The following ITGAL variants were observed in gnomAD, a reference collection of about 807,000 sequenced individuals.
ITGAL encodes integrin alpha-L.
ITGAL carries 68 observed loss-of-function variants against 138.4 expected under a neutral mutation model. The ratio of observed to expected loss-of-function variants is 0.49; its 90% CI spans 0.40 to 0.60. The LOEUF (loss-of-function observed/expected upper bound fraction) is 0.60, where lower values mean the gene tolerates loss of function less well. Ranked by LOEUF, ITGAL falls within the 20% of genes least tolerant of loss-of-function variation. ITGAL has a pLI of 0.00. For synonymous variants in ITGAL, 561 were observed against 584.3 expected, an observed-to-expected ratio of 0.96 and a Z score of 0.57; for missense variants, 1,256 against 1,478.6, an observed-to-expected ratio of 0.85 and a Z score of 2.47.
chr16:30,517,385 G>C (rs2051182520), intron 26 of ITGAL, among the ~76,000 whole-genome samples: 1 of 152,088 alleles, frequency 6.6e-6, no homozygotes, highest in South Asian at 2.1e-4. Flanking sequence ...TTGAACCTAG[G>C]AGTTTGAGGC....
intron 29 of ITGAL, among the ~76,000 whole-genome samples, chr16:30,518,934 T>G (rs1309635019): frequency 6.6e-6 from 1 of 152,068 alleles, no homozygotes; most frequent in Non-Finnish European, 1.5e-5. Context: ...CGAGTAAAGT[T>G]CAATCGAGGC....
chr16:30,500,485 C>A (rs1027506540), intron 17 of ITGAL, among the ~76,000 whole-genome samples: 1 of 152,066 alleles, frequency 6.6e-6, no homozygotes, highest in Admixed American at 6.6e-5. Flanking sequence ...TCCTGAGTAG[C>A]AGGGACTACA....
At chr16:30,484,379 C>T in intron 9 of ITGAL, 116 bp downstream of exon 9, 3 of 943,036 alleles carry the variant, frequency 3.2e-6, no homozygotes, top group Non-Finnish European at 3.1e-6. Context: ...GAGGCCGAGG[C>T]AGGTGGATCA....
rs1367265100 is a variant in ITGAL at position 30,479,141 on chromosome 16, T to C, written c.378T>C (p.Ser126=). 6.2e-7 allele frequency: 1 copy of C among 1,614,116 alleles called. No individual in the cohort carries two copies. The highest frequency in any genetic ancestry group is 2.2e-5 in the East Asian group (1 of 44,886). The part of the protein sequence containing the change: ...SRTCDQNTYL[S]GLCYLFRQNL... The stretch of plus-strand genomic sequence containing the variant: ...CGTGTGACCAGAACACCTATCTGAG[T>C]GGCCTGTGTTACCTCTTCCGCCAGA... The change falls in exon 5 of 31, where the codon AGT becomes AGC. Residue 126 remains serine (S), a synonymous_variant. Transcript: ENST00000356798.
At chr16:30,508,606 A>G (rs1436591238) in intron 21 of ITGAL, among the ~76,000 whole-genome samples, 2 of 152,022 alleles carry the variant, frequency 1.3e-5, no homozygotes, top group Non-Finnish European at 2.9e-5. Context: ...GAGGTGGAGA[A>G]GTGCTTAAGC....
chr16:30,502,891 G>A (rs1254838924), intron 17 of ITGAL, among the ~76,000 whole-genome samples: 6 of 151,024 alleles, frequency 4.0e-5, no homozygotes, highest in Non-Finnish European at 8.8e-5. Context: ...TGGGCCCACT[G>A]CAGCCTCTGC....
intron 11 of ITGAL, among the ~76,000 whole-genome samples, chr16:30,492,255 CT>C (rs34570222): frequency 0.69 from 90,433 of 130,542 alleles, 30,525 homozygotes; most frequent in East Asian, 0.97. Context: ...TCTTTTTTTT[CT>C]TTTTTTTTTT....
Position 30,474,317 on chromosome 16 carries a change from G to A in ITGAL, c.164+19G>A, listed in dbSNP as rs1288034295. 2 of 1,559,666 alleles carry A rather than the reference G, an allele frequency of 1.3e-6. No homozygotes were observed. Among genetic ancestry groups the A allele is most frequent in the Non-Finnish European group, 1.8e-6 (2 of 1,142,056 alleles). ...GAAACGGGTGAGCTGTGCCCCACAAGTCCTCCTCCTGATGCCCGCCCTGGG... is the reference window on the plus strand; with the variant it reads ...GAAACGGGTGAGCTGTGCCCCACAAATCCTCCTCCTGATGCCCGCCCTGGG... On this transcript the variant is annotated intron_variant, in intron 2 of 30. Coordinates refer to ENST00000356798, the MANE Select transcript of ITGAL (RefSeq NM_002209.3).
chr16:30,500,681 C>T (rs1241829793), intron 17 of ITGAL, among the ~76,000 whole-genome samples: 2 of 152,040 alleles, frequency 1.3e-5, no homozygotes, highest in African/African-American at 2.4e-5. Flanking sequence ...TCCCGAGTAG[C>T]TAGGACTACA....
intron 21 of ITGAL, 96 bp from the exon 22 acceptor site, chr16:30,510,265 A>G: frequency 2.7e-6 from 2 of 737,966 alleles, no homozygotes. Flanking sequence ...TGACAGGGAC[A>G]GAGCCCCTGG....
At position 30,494,948 on chromosome 16, in the gene ITGAL, G is replaced by A. The variant is rs1443268065; in HGVS notation, c.1503+98G>A. 4 of 1,382,602 alleles carry A rather than the reference G, an allele frequency of 2.9e-6. No individual in the cohort carries two copies. Among genetic ancestry groups the A allele is most frequent in the African/African-American group, 2.9e-5 (2 of 69,156 alleles). 85.6% of individuals were successfully genotyped at this position (1,382,602 alleles called of 1,614,324 possible). ...GGCTTTCTCTGTCTGGTCACGTGGC[G>A]ATCAAACTTTTAGAACGACAGAGAG... On this transcript the variant is annotated intron_variant, in intron 13 of 30. Transcript: ENST00000356798. This position sits in a 1 kb window ranked among gnomAD's most constrained non-coding sequence, Gnocchi z 4.2.
At chr16:30,486,688 G>A (rs749570965) in intron 9 of ITGAL, among the ~76,000 whole-genome samples, 5 of 152,100 alleles carry the variant, frequency 3.3e-5, no homozygotes, top group African/African-American at 7.2e-5. Context: ...TGACCGAAGC[G>A]CAGTGAGGAA....
intron 25 of ITGAL, among the ~76,000 whole-genome samples, chr16:30,514,984 C>T (rs574523281): frequency 7.5e-4 from 114 of 151,916 alleles, no homozygotes; most frequent in African/African-American, 2.6e-3. Context: ...ACCACCACGC[C>T]AGGCTAATGT....
rs1264970295 is a variant in ITGAL, at chr16:30,511,990, G to A, written c.2786+854G>A. ...GGGGTTAAGATCAAGAGGTAACTTA[G>A]CACAGACATCTGGGCACCAGAGAGG... On this transcript the variant is annotated intron_variant, in intron 24 of 30. Transcript: ENST00000356798. Among the ~76,000 whole-genome samples, 5 of 152,208 alleles carry A rather than the reference G, an allele frequency of 3.3e-5. 1 individual carries two copies. In the South Asian group the frequency reaches 1.0e-3, roughly 31 times the overall value.
At chr16:30,500,787 C>T (rs984132698) in intron 17 of ITGAL, among the ~76,000 whole-genome samples, 6 of 152,048 alleles carry the variant, frequency 3.9e-5, no homozygotes, top group African/African-American at 1.4e-4. Context: ...GGTGGATCAC[C>T]TGAGGTCAGG....
At chr16:30,482,977 C>T (rs2050581652) in intron 7 of ITGAL, among the ~76,000 whole-genome samples, 1 of 152,158 alleles carries the variant, frequency 6.6e-6, no homozygotes, top group Non-Finnish European at 1.5e-5. Flanking sequence ...CAATCACACA[C>T]CACCATGCCT....
chr16:30,497,899 A>C (rs950257769), intron 15 of ITGAL, among the ~76,000 whole-genome samples: 2 of 151,180 alleles, frequency 1.3e-5, no homozygotes, highest in Non-Finnish European at 2.9e-5. Flanking sequence ...GTGAGCTGTG[A>C]TCATGCCACT....
Position 30,492,498 on chromosome 16 carries a change from C to T in ITGAL, c.1214-1714C>T, listed in dbSNP as rs537867947. On this transcript the variant is annotated intron_variant, in intron 11 of 30. Coordinates refer to ENST00000356798, the MANE Select transcript of ITGAL (RefSeq NM_002209.3). ...AACTCCTGACCTCAGGTGATCCACC[C>T]GCCTTGGGCTCCCAGAGTGCTGGGA... Among the ~76,000 whole-genome samples, 14 of 150,984 alleles carry T rather than the reference C, an allele frequency of 9.3e-5. No homozygotes were observed. The East Asian group carries it at 2.4e-3, about 25-fold the overall frequency.
At position 30,506,836 on chromosome 16, in the gene ITGAL, C is replaced by T. The variant is rs755499977; in HGVS notation, c.2488C>T (p.Arg830Cys). The T allele has an allele frequency of 5.6e-6, 9 of 1,613,802 alleles. No homozygotes were observed. The highest frequency in any genetic ancestry group is 6.8e-6 in the Non-Finnish European group (8 of 1,179,890). ...DLHFPPGLSF[R>C]KVEMLKPHSQ... ...GCACTTCCCCCCGGGACTCTCCTTC[C>T]GCAAGGTGGAGATGCTGAAGGTGGG... The change falls in exon 21 of 31, where the codon CGC (arginine) becomes TGC (cysteine). Residue 830 changes from arginine (R) to cysteine (C), a missense_variant. Arg to Cys is a radical substitution (Grantham distance 180). This residue lies in a region of ITGAL where 867 missense variants were observed against 972.5 expected (regional missense o/e 0.89). Transcript: ENST00000356798.
Sources: gnomAD v4.1 joint callset for allele counts (sites outside exome capture counted in the v4.1 genomes callset) on GRCh38, gnomAD v4.1.1 for gene constraint, gnomAD v4.1.1 regional missense constraint, Gnocchi (gnomAD v3.1) non-coding constraint, MANE v1.5 for transcripts, NCBI Gene and HGNC (gene_info 2026-07-23, HGNC 2026-07-21) for gene names.